Variants in WIF1 observed in about 807,000 individuals in gnomAD.
The protein encoded by WIF1 is Wnt inhibitory factor 1.
Under a neutral mutation model 53.5 loss-of-function variants are expected in WIF1, and 35 were observed. The ratio of observed to expected loss-of-function variants is 0.65; its 90% CI spans 0.50 to 0.87. The LOEUF is 0.87. WIF1 is among the 40% of genes least tolerant of loss of function. The probability of loss-of-function intolerance (pLI) is 0.00; values close to 1 mark genes in which losing one functional copy is unlikely to be tolerated. For missense variants in WIF1, 467 were observed against 476.8 expected (o/e 0.98, Z 0.19); for synonymous variants, 171 against 170.4 (o/e 1.00, Z -0.03).
intron 7 of WIF1, among the ~76,000 whole-genome samples, chr12:65,059,496 G>A (rs927101106): frequency 1.3e-5 from 2 of 152,128 alleles, no homozygotes; most frequent in African/African-American, 2.4e-5. Flanking sequence ...CTTTTTAACT[G>A]AAGGTTCATT....
chr12:65,073,196 C>A (rs763464176), intron 3 of WIF1, among the ~76,000 whole-genome samples: 1 of 152,188 alleles, frequency 6.6e-6, no homozygotes, highest in East Asian at 1.9e-4. Flanking sequence ...AAATATCCAA[C>A]ATAAATATTC....
chr12:65,092,736 G>C (rs905352028), intron 2 of WIF1, among the ~76,000 whole-genome samples: 2 of 152,014 alleles, frequency 1.3e-5, no homozygotes, highest in Non-Finnish European at 2.9e-5. Context: ...GTATCAGAGT[G>C]GATGGGTACC....
intron 2 of WIF1, among the ~76,000 whole-genome samples, chr12:65,119,577 A>C (rs1566322): frequency 0.77 from 116,416 of 151,746 alleles, 44,760 homozygotes; most frequent in East Asian, 1. Context: ...TAAAAGACCG[A>C]AAAATGTGGT....
intron 2 of WIF1, among the ~76,000 whole-genome samples, chr12:65,078,143 A>G (rs1235764373): frequency 6.6e-6 from 1 of 152,172 alleles, no homozygotes; most frequent in Non-Finnish European, 1.5e-5. Context: ...CAGTGGCGCA[A>G]TCTCAGCTCA....
chr12:65,102,430 A>G (rs1014974144), intron 2 of WIF1, among the ~76,000 whole-genome samples: 1 of 152,118 alleles, frequency 6.6e-6, no homozygotes, highest in Non-Finnish European at 1.5e-5. Context: ...CTCTCCCCAT[A>G]GGAGGGGCAG....
chr12:65,087,824 A>G (rs1307917089), intron 2 of WIF1, among the ~76,000 whole-genome samples: 2 of 152,096 alleles, frequency 1.3e-5, no homozygotes, highest in African/African-American at 4.8e-5. Context: ...TAAGAGTCAA[A>G]CAGGAAAAAA....
Position 65,089,241 on chromosome 12 carries a change from A to G in WIF1, c.289-11387T>C, listed in dbSNP as rs567695234. Reference sequence around the variant, plus strand: ...TTCCTTAGGAAAGCATAATATACCTATTACCCAAGACATAAACTTGGCAGT... The same window carrying G: ...TTCCTTAGGAAAGCATAATATACCTGTTACCCAAGACATAAACTTGGCAGT... On this transcript the variant is annotated intron_variant, in intron 2 of 9. Coordinates refer to ENST00000286574, the MANE Select transcript of WIF1 (RefSeq NM_007191.5). Among the ~76,000 whole-genome samples the G allele has an allele frequency of 2.1e-3, 326 of 152,260 alleles. 2 individuals carry two copies. Among genetic ancestry groups the G allele is most frequent in the African/African-American group, 7.4e-3 (306 of 41,572 alleles).
intron 2 of WIF1, among the ~76,000 whole-genome samples, chr12:65,105,303 C>A (rs1037832114): frequency 1.3e-5 from 2 of 152,072 alleles, no homozygotes; most frequent in African/African-American, 4.8e-5. Context: ...TAAGGCCTGG[C>A]CCTAAGGACC....
At chr12:65,054,450 A>G (rs1882493692) in intron 9 of WIF1, among the ~76,000 whole-genome samples, 1 of 152,206 alleles carries the variant, frequency 6.6e-6, no homozygotes, top group South Asian at 2.1e-4. Flanking sequence ...AGAGACCACA[A>G]TCAATACTGA....
At chr12:65,120,144 G>T (rs1883578558) in intron 2 of WIF1, among the ~76,000 whole-genome samples, 1 of 152,206 alleles carries the variant, frequency 6.6e-6, no homozygotes, top group East Asian at 1.9e-4. Flanking sequence ...AGTGATGTTG[G>T]TATTGGAGGT....
chr12:65,086,513 G>A (rs1033168972), intron 2 of WIF1, among the ~76,000 whole-genome samples: 14 of 152,090 alleles, frequency 9.2e-5, no homozygotes, highest in African/African-American at 3.4e-4. Flanking sequence ...CAGGAGGTGT[G>A]GAAAAAGGAA....
chr12:65,119,713 C>T (rs1451008035), intron 2 of WIF1, among the ~76,000 whole-genome samples: 1 of 152,074 alleles, frequency 6.6e-6, no homozygotes, highest in Non-Finnish European at 1.5e-5. Flanking sequence ...ATTAAATTTA[C>T]ATAAGCATTT....
intron 2 of WIF1, among the ~76,000 whole-genome samples, chr12:65,107,739 G>A (rs960595398): frequency 1.3e-5 from 2 of 152,200 alleles, no homozygotes; most frequent in East Asian, 3.8e-4. Context: ...TTGGAAACAA[G>A]GCATCCTAAT....
chr12:65,115,127 G>T (rs570999878), intron 2 of WIF1, among the ~76,000 whole-genome samples: 45 of 148,568 alleles, frequency 3.0e-4, no homozygotes, highest in African/African-American at 4.3e-4. Context: ...TCACAAGGAG[G>T]TTGGAAAACT....
chr12:65,112,532 A>T (rs1419647726), intron 2 of WIF1, among the ~76,000 whole-genome samples: 1 of 151,792 alleles, frequency 6.6e-6, no homozygotes, highest in Non-Finnish European at 1.5e-5. Flanking sequence ...TTGTGGAAAA[A>T]CTGTTGCCGA....
intron 2 of WIF1, among the ~76,000 whole-genome samples, chr12:65,109,827 A>G (rs1189521049): frequency 1.3e-5 from 2 of 152,208 alleles, no homozygotes; most frequent in Non-Finnish European, 2.9e-5. Flanking sequence ...CAGGGTTACT[A>G]TGAAGATTCA....
At chr12:65,069,767 A>T (rs1482800011) in intron 3 of WIF1, among the ~76,000 whole-genome samples, 1 of 152,218 alleles carries the variant, frequency 6.6e-6, no homozygotes, top group East Asian at 1.9e-4. Context: ...CCGTTGTGGG[A>T]TAACCACAAA....
chr12:65,072,018 C>T (rs1252330959), intron 3 of WIF1, among the ~76,000 whole-genome samples: 3 of 151,992 alleles, frequency 2.0e-5, no homozygotes, highest in Non-Finnish European at 4.4e-5. Context: ...TACTTGTCTT[C>T]GTTTCTGTTT....
chr12:65,111,475 T>A (rs1484438972), intron 2 of WIF1, among the ~76,000 whole-genome samples: 1 of 152,092 alleles, frequency 6.6e-6, no homozygotes, highest in Non-Finnish European at 1.5e-5. Flanking sequence ...AAAGTACCAG[T>A]TCCCCCAGAA....
Sources: gnomAD v4.1 joint callset for allele counts (sites outside exome capture counted in the v4.1 genomes callset) on GRCh38, gnomAD v4.1.1 for gene constraint, MANE v1.5 for transcripts, NCBI Gene and HGNC (gene_info 2026-07-23, HGNC 2026-07-21) for gene names.